Variants in RGS18 observed in about 807,000 individuals in gnomAD.
RGS18 encodes regulator of G protein signaling 18, also known as regulator of G-protein signaling 18.
Under a neutral mutation model 27.6 loss-of-function variants are expected in RGS18, and 22 were observed. The ratio of observed to expected loss-of-function variants is 0.80; its 90% CI spans 0.57 to 1.14. RGS18 has a LOEUF of 1.14. Ranked by LOEUF, RGS18 falls within the 50% of genes most tolerant of loss-of-function variation. RGS18 has a pLI of 0.00. For synonymous variants in RGS18, 89 were observed against 84.6 expected, an observed-to-expected ratio of 1.05 and a Z score of -0.29; for missense variants, 299 against 269.6, an observed-to-expected ratio of 1.11 and a Z score of -0.76.
intron 3 of RGS18, among the ~76,000 whole-genome samples, chr1:192,171,910 T>C (rs1656262291): frequency 6.6e-6 from 1 of 152,076 alleles, no homozygotes. Context: ...AACAACACAA[T>C]TTTATTATCT....
Position 192,158,651 on chromosome 1 carries a change from T to C in RGS18, c.14T>C (p.Leu5Ser), listed in dbSNP as rs763172332. Residue 5 changes from leucine (L) to serine (S), a missense_variant, in exon 1 of 5, where the codon TTG (leucine) becomes TCG (serine). Leu to Ser is a moderately radical substitution (Grantham distance 145). Transcript: ENST00000367460. METT[L>S]LFFSQINMCE... Reference sequence around the variant, plus strand: ...TTTAGAGAGAAGATGGAAACAACATTGCTTTTCTTTTCTCAAATAAATATG... The same window carrying C: ...TTTAGAGAGAAGATGGAAACAACATCGCTTTTCTTTTCTCAAATAAATATG... 6.4e-7 allele frequency: 1 copy of C among 1,568,460 alleles called. No homozygotes were observed. The highest frequency in any genetic ancestry group is 8.6e-7 in the Non-Finnish European group (1 of 1,163,758).
Position 192,184,316 on chromosome 1 carries a change from C to T in RGS18, c.470C>T (p.Thr157Ile). The T allele has an allele frequency of 1.2e-6, 2 of 1,608,620 alleles. No homozygotes were observed. The highest frequency in any genetic ancestry group is 1.7e-6 in the Non-Finnish European group (2 of 1,176,072). The change falls in exon 5 of 5, where the codon ACA (threonine) becomes ATA (isoleucine). Residue 157 changes from threonine to isoleucine, a missense_variant. Physicochemically the swap from Thr to Ile is moderately conservative, Grantham distance 89. Coordinates refer to ENST00000367460, the MANE Select transcript of RGS18 (RefSeq NM_130782.3). ...ATCCAGGTTAACCTTGATTTTCACA[C>T]AAAAGAAGTCATTACAAACAGCATC... ...APKEVNLDFHTKEVITNSITQ... is the reference protein window; with the variant it reads ...APKEVNLDFHIKEVITNSITQ...
chr1:192,161,166 A>T (rs904873193), intron 3 of RGS18, among the ~76,000 whole-genome samples: 2 of 152,120 alleles, frequency 1.3e-5, no homozygotes, highest in South Asian at 2.1e-4. Context: ...ACACAGTTTT[A>T]AAAAAAATTT....
rs1656534699 is a variant in RGS18, at chr1:192,185,588, G to A, written c.*1034G>A. ...CCTTAAGTAATTATTATTCAAATAA[G>A]ATTATACTCATACATCTATATGTCA... On this transcript the variant is annotated 3_prime_UTR_variant, in exon 5 of 5. Transcript: ENST00000367460. The A allele has an allele frequency of 6.6e-6, 1 of 151,534 alleles. No homozygotes were observed. 9.4% of individuals were successfully genotyped at this position (151,534 alleles called of 1,614,324 possible).
rs547249590 is a variant in RGS18, at chr1:192,184,756, T to A, written c.*202T>A. Reference sequence around the variant, plus strand: ...ATTCTGTAAAACCTTCTATTTGATGTCATTCCATTTATAATCAGAAAAAAA... The same window carrying A: ...ATTCTGTAAAACCTTCTATTTGATGACATTCCATTTATAATCAGAAAAAAA... On this transcript the variant is annotated 3_prime_UTR_variant, in exon 5 of 5. Transcript: ENST00000367460. 2.3e-5 allele frequency: 11 copies of A among 486,064 alleles called. No individual in the cohort carries two copies. The highest frequency in any genetic ancestry group is 2.1e-4 in the African/African-American group (11 of 51,424). The allele number at this position is 486,064 out of a possible 1,614,324, so 30.1% of individuals were successfully genotyped here. A position where few individuals can be genotyped will look rare whatever the true frequency, so the allele number is the denominator to read the frequency against.
rs1411410119 is a variant in RGS18, at chr1:192,180,135, G to T, written c.284-1157G>T. ...AGTTTTGAAGTCACATTGTCTTAAGGTTGAATCCAAAGTCTGCCACTTTTT... is the reference window on the plus strand; with the variant it reads ...AGTTTTGAAGTCACATTGTCTTAAGTTTGAATCCAAAGTCTGCCACTTTTT... On this transcript the variant is annotated intron_variant, in intron 3 of 4. Coordinates refer to ENST00000367460, the MANE Select transcript of RGS18 (RefSeq NM_130782.3). Among the ~76,000 whole-genome samples, 5 of 151,662 alleles carry T rather than the reference G, an allele frequency of 3.3e-5. No homozygotes were observed. In the East Asian group the frequency reaches 7.8e-4, roughly 24 times the overall value.
chr1:192,175,347 T>G (rs1416571366), intron 3 of RGS18, among the ~76,000 whole-genome samples: 1 of 151,770 alleles, frequency 6.6e-6, no homozygotes, highest in African/African-American at 2.4e-5. Context: ...TATGTGAGCA[T>G]GGAGGAAGAC....
At chr1:192,180,056 A>G (rs1054445587) in intron 3 of RGS18, among the ~76,000 whole-genome samples, 6 of 151,660 alleles carry the variant, frequency 4.0e-5, no homozygotes, top group Admixed American at 2.0e-4. Flanking sequence ...AGGCTTAAAA[A>G]TAAGTAGAGT....
At chr1:192,162,340 G>T (rs926575195) in intron 3 of RGS18, among the ~76,000 whole-genome samples, 12 of 151,976 alleles carry the variant, frequency 7.9e-5, no homozygotes, top group Admixed American at 6.6e-4. Context: ...ACAGAGTCTT[G>T]CTCTGTAGCC....
intron 3 of RGS18, chr1:192,168,738 T>C (rs1021223599): frequency 6.6e-6 from 1 of 152,190 alleles, no homozygotes; most frequent in African/African-American, 2.4e-5. Flanking sequence ...TTAATCTCCA[T>C]ATTCCTCAAC....
intron 4 of RGS18, among the ~76,000 whole-genome samples, chr1:192,181,809 A>G (rs957081577): frequency 2.6e-5 from 4 of 151,608 alleles, no homozygotes; most frequent in Non-Finnish European, 4.4e-5. Flanking sequence ...CTTCCTATCT[A>G]TCTCTGTACC....
At chr1:192,167,393 T>C (rs1452981377) in intron 3 of RGS18, among the ~76,000 whole-genome samples, 1 of 151,920 alleles carries the variant, frequency 6.6e-6, no homozygotes, top group African/African-American at 2.4e-5. Flanking sequence ...AATTTCCAAC[T>C]CAAGCTAACC....
intron 3 of RGS18, among the ~76,000 whole-genome samples, chr1:192,177,889 G>A (rs1022684320): frequency 5.3e-5 from 8 of 151,534 alleles, no homozygotes; most frequent in African/African-American, 1.7e-4. Flanking sequence ...AATTTTAAAC[G>A]GTGAAGAATC....
chr1:192,158,528 T>C lies in RGS18; in HGVS notation c.-110T>C, dbSNP rs1656012964. 1.0e-6 allele frequency: 1 copy of C among 962,462 alleles called. No individual in the cohort carries two copies. Among genetic ancestry groups the C allele is most frequent in the African/African-American group, 1.7e-5 (1 of 57,994 alleles). 59.6% of individuals were successfully genotyped at this position (962,462 alleles called of 1,614,324 possible). A position where few individuals can be genotyped will look rare whatever the true frequency, so the allele number is the denominator to read the frequency against. On this transcript the variant is annotated 5_prime_UTR_variant, in exon 1 of 5. Coordinates refer to ENST00000367460, the MANE Select transcript of RGS18 (RefSeq NM_130782.3). ...GACTTCTTTTTTGTAAACATTACTG[T>C]AAGAGTTGTGATAACTTTTTATTCT... is the stretch of plus-strand genomic sequence containing the variant.
At position 192,173,193 on chromosome 1, in the gene RGS18, A is replaced by T. The variant is rs576503592; in HGVS notation, c.284-8099A>T. On this transcript the variant is annotated intron_variant, in intron 3 of 4. Coordinates refer to ENST00000367460, the MANE Select transcript of RGS18 (RefSeq NM_130782.3). ...TAGTTCTAGACAGCTGTAAACATTT[A>T]AAAAAATGTGGTAATCTAAGTTAAA... is the stretch of plus-strand genomic sequence containing the variant. Among the ~76,000 whole-genome samples, 9 of 151,992 alleles carry T rather than the reference A, an allele frequency of 5.9e-5. No homozygotes were observed. The East Asian group carries it at 7.8e-4, about 13-fold the overall frequency.
At chr1:192,171,096 C>G (rs1656247475) in intron 3 of RGS18, among the ~76,000 whole-genome samples, 1 of 152,104 alleles carries the variant, frequency 6.6e-6, no homozygotes, top group Admixed American at 6.6e-5. Flanking sequence ...AGACCATTAG[C>G]TTTACTCTGA....
At chr1:192,178,170 C>T (rs1031450925) in intron 3 of RGS18, among the ~76,000 whole-genome samples, 6 of 151,268 alleles carry the variant, frequency 4.0e-5, no homozygotes, top group African/African-American at 1.5e-4. Flanking sequence ...ATCAAATATC[C>T]CTGAGAATAA....
rs144778939 is a variant in RGS18 at position 192,158,525 on chromosome 1, C to T, written c.-113C>T. On this transcript the variant is annotated 5_prime_UTR_variant, in exon 1 of 5. Transcript: ENST00000367460. ...CTTGACTTCTTTTTTGTAAACATTA[C>T]TGTAAGAGTTGTGATAACTTTTTAT... 2.9e-4 allele frequency: 270 copies of T among 929,404 alleles called. 3 individuals are homozygous for T. The African/African-American group carries it at 4.2e-3, about 14-fold the overall frequency. 57.6% of individuals were successfully genotyped at this position (929,404 alleles called of 1,614,324 possible).
At chr1:192,169,092 G>A (rs1398449269) in intron 3 of RGS18, 2 of 152,048 alleles carry the variant, frequency 1.3e-5, no homozygotes, top group Non-Finnish European at 2.9e-5. Flanking sequence ...GTAATTATAG[G>A]TTAAAAAGTT....
Sources: allele counts gnomAD v4.1 joint callset (sites outside exome capture counted in the v4.1 genomes callset), GRCh38; gene constraint gnomAD v4.1.1; transcripts MANE v1.5; gene names NCBI Gene and HGNC (gene_info 2026-07-23, HGNC 2026-07-21).